Variants in NDST3 observed in about 807,000 individuals in gnomAD.
NDST3 encodes bifunctional heparan sulfate N-deacetylase/N-sulfotransferase 3.
Under a neutral mutation model 96.1 loss-of-function variants are expected in NDST3, and 58 were observed. The ratio of observed to expected loss-of-function variants is 0.60; its 90% confidence interval spans 0.49 to 0.75. NDST3 has a LOEUF of 0.75. Ranked by LOEUF, NDST3 falls within the 30% of genes least tolerant of loss-of-function variation. The pLI is 0.00. For missense variants in NDST3, 788 were observed against 1,034.2 expected, an observed-to-expected ratio of 0.76 and a Z score of 3.27; for synonymous variants, 333 against 359.7, an observed-to-expected ratio of 0.93 and a Z score of 0.84.
intron 8 of NDST3, among the ~76,000 whole-genome samples, chr4:118,230,218 C>CTGAA (rs1560733220): frequency 6.6e-6 from 1 of 152,128 alleles, no homozygotes; most frequent in Non-Finnish European, 1.5e-5. Context: ...CATAGTTATT[C>CTGAA]TAAGTCAGTG....
intron 1 of NDST3, among the ~76,000 whole-genome samples, chr4:118,052,648 T>A (rs1161131670): frequency 6.6e-6 from 1 of 152,014 alleles, no homozygotes; most frequent in African/African-American, 2.4e-5. Flanking sequence ...TTCCCATTAG[T>A]TCAACTATCT....
At position 118,066,385 on chromosome 4, in the gene NDST3, T is replaced by TATGTTATATATTATATATCATATATC. The variant is rs1726469130; in HGVS notation, c.981+11497_981+11522dup. Reference sequence around the variant, plus strand: ...GTTATATATTATATATCATATATCATATGTTATATATTATATATCATATAT... The same window carrying TATGTTATATATTATATATCATATATC: ...GTTATATATTATATATCATATATCATATGTTATATATTATATATCATATATCATGTTATATATTATATATCATATAT... On this transcript the variant is annotated intron_variant, in intron 2 of 13. Coordinates refer to ENST00000296499, the MANE Select transcript of NDST3 (RefSeq NM_004784.3). Among the ~76,000 whole-genome samples, 2 of 88,420 alleles carry TATGTTATATATTATATATCATATATC rather than the reference T, an allele frequency of 2.3e-5. 1 individual carries two copies. The highest frequency in any genetic ancestry group is 9.1e-5 in the African/African-American group (2 of 21,900). The allele number at this position is 88,420 out of a possible 152,430, so 58.0% of individuals were successfully genotyped here.
intron 6 of NDST3, chr4:118,193,732 G>T: frequency 7.3e-7 from 1 of 1,361,718 alleles, no homozygotes; most frequent in Non-Finnish European, 1.0e-6. Context: ...TCTCGTTGTT[G>T]CTGCCCAGTT....
At chr4:118,058,396 C>A (rs1484980323) in intron 2 of NDST3, among the ~76,000 whole-genome samples, 7 of 120,000 alleles carry the variant, frequency 5.8e-5, no homozygotes, top group Non-Finnish European at 1.0e-4. Flanking sequence ...TGTGACATGG[C>A]ACAAAGTGTT....
intron 12 of NDST3, among the ~76,000 whole-genome samples, chr4:118,251,036 G>GT (rs1395871480): frequency 2.0e-5 from 3 of 147,402 alleles, no homozygotes; most frequent in Admixed American, 6.7e-5. Flanking sequence ...AAATTTTCTG[G>GT]TTTTTTTCCC....
intron 1 of NDST3, among the ~76,000 whole-genome samples, chr4:118,040,502 C>T (rs983395773): frequency 3.3e-5 from 5 of 152,116 alleles, no homozygotes; most frequent in Non-Finnish European, 5.9e-5. Flanking sequence ...GGCTTATGTG[C>T]TTCCCACAAC....
chr4:118,198,332 T>C (rs1432194996), intron 6 of NDST3, among the ~76,000 whole-genome samples: 2 of 152,204 alleles, frequency 1.3e-5, no homozygotes, highest in Admixed American at 6.5e-5. Context: ...CTCCATTGTA[T>C]GTTTTTTGAT....
chr4:118,194,875 T>C (rs937326543), intron 6 of NDST3: 4 of 260,570 alleles, frequency 1.5e-5, no homozygotes, highest in African/African-American at 2.2e-5. Context: ...GCGGACCACA[T>C]GGAGGCTGGA....
chr4:118,120,350 G>T (rs1014962591), intron 4 of NDST3, among the ~76,000 whole-genome samples: 2 of 152,182 alleles, frequency 1.3e-5, no homozygotes, highest in Non-Finnish European at 2.9e-5. Context: ...GGGGAAAGGT[G>T]GGCAAGAGCC....
At chr4:118,157,860 T>C (rs1734819051) in intron 6 of NDST3, among the ~76,000 whole-genome samples, 2 of 152,196 alleles carry the variant, frequency 1.3e-5, no homozygotes, top group Admixed American at 1.3e-4. Flanking sequence ...ATGTAATATA[T>C]TACACAAAAT....
At chr4:118,114,196 T>C (rs776826668) in intron 3 of NDST3, among the ~76,000 whole-genome samples, 10 of 152,210 alleles carry the variant, frequency 6.6e-5, no homozygotes, top group Non-Finnish European at 1.5e-4. Flanking sequence ...ATTGTTTTGA[T>C]AGTGGTGACC....
chr4:118,081,691 C>A (rs949375588), intron 2 of NDST3, among the ~76,000 whole-genome samples: 1 of 152,092 alleles, frequency 6.6e-6, no homozygotes, highest in African/African-American at 2.4e-5. Flanking sequence ...GAAAAAATGC[C>A]TCTTTGCTGT....
chr4:118,163,894 TG>T (rs1020544305), intron 6 of NDST3, among the ~76,000 whole-genome samples: 14 of 152,180 alleles, frequency 9.2e-5, no homozygotes, highest in African/African-American at 3.4e-4. Context: ...TGTACACTGT[TG>T]GTGGTAATGT....
intron 4 of NDST3, among the ~76,000 whole-genome samples, chr4:118,134,585 A>G (rs1732918179): frequency 6.6e-6 from 1 of 152,206 alleles, no homozygotes; most frequent in Non-Finnish European, 1.5e-5. Flanking sequence ...TAAATTTAGA[A>G]AAGAGGAAAG....
chr4:118,228,617 C>T (rs1159676711), intron 8 of NDST3, among the ~76,000 whole-genome samples: 2 of 151,932 alleles, frequency 1.3e-5, no homozygotes, highest in Admixed American at 6.6e-5. Context: ...CAATAAAATC[C>T]ACCCATTTTA....
At chr4:118,187,747 T>G (rs1361172723) in intron 6 of NDST3, among the ~76,000 whole-genome samples, 1 of 152,204 alleles carries the variant, frequency 6.6e-6, no homozygotes, top group Non-Finnish European at 1.5e-5. Flanking sequence ...GCCATCCACA[T>G]CAATGATGCC....
intron 2 of NDST3, among the ~76,000 whole-genome samples, chr4:118,089,348 GA>G (rs528903474): frequency 7.3e-5 from 11 of 151,372 alleles, no homozygotes; most frequent in African/African-American, 1.9e-4. Flanking sequence ...TCTTTGTAAA[GA>G]AAAAAAACTT....
At chr4:118,057,241 A>C (rs1007410386) in intron 2 of NDST3, among the ~76,000 whole-genome samples, 1 of 152,072 alleles carries the variant, frequency 6.6e-6, no homozygotes, top group Admixed American at 6.6e-5. Flanking sequence ...TAGGTTGATA[A>C]TTGTTGATGA....
intron 2 of NDST3, among the ~76,000 whole-genome samples, chr4:118,057,574 A>C (rs1725531169): frequency 1.3e-5 from 2 of 152,118 alleles, no homozygotes; most frequent in African/African-American, 4.8e-5. Context: ...GAACAGTCAG[A>C]GACCAGGAAG....
Sources: allele counts gnomAD v4.1 joint callset (sites outside exome capture counted in the v4.1 genomes callset), GRCh38; gene constraint gnomAD v4.1.1; transcripts MANE v1.5; gene names NCBI Gene and HGNC (gene_info 2026-07-23, HGNC 2026-07-21).